Variants in ABHD17C observed in about 807,000 individuals in gnomAD.
ABHD17C encodes the protein alpha/beta hydrolase domain-containing protein 17C.
In ABHD17C, 11 loss-of-function variants were observed where a neutral mutation model predicts 27.9. The ratio of observed to expected loss-of-function variants is 0.39; its 90% CI spans 0.25 to 0.65. The LOEUF is 0.65. ABHD17C is among the 30% of genes least tolerant of loss of function. ABHD17C has a pLI of 0.45. For synonymous variants in ABHD17C, 233 were observed against 209.1 expected, an observed-to-expected ratio of 1.11 and a Z score of -0.98; for missense variants, 280 against 470.2, an observed-to-expected ratio of 0.60 and a Z score of 3.74.
At chr15:80,715,222 T>C (rs960307835) in intron 1 of ABHD17C, among the ~76,000 whole-genome samples, 6 of 152,232 alleles carry the variant, frequency 3.9e-5, no homozygotes, top group Non-Finnish European at 8.8e-5. Context: ...AAGGAAAGAA[T>C]TGCAATGGCC....
chr15:80,707,850 T>G (rs1167323641), intron 1 of ABHD17C, among the ~76,000 whole-genome samples: 1 of 152,212 alleles, frequency 6.6e-6, no homozygotes, highest in Non-Finnish European at 1.5e-5. Flanking sequence ...CCATCATATA[T>G]TTAATTGGAA....
chr15:80,697,356 A>T (rs1894509239), intron 1 of ABHD17C, among the ~76,000 whole-genome samples: 1 of 152,252 alleles, frequency 6.6e-6, no homozygotes, highest in South Asian at 2.1e-4. Flanking sequence ...AAAGGGTTTC[A>T]AAAGTATGTG....
chr15:80,711,475 G>C (rs7171632), intron 1 of ABHD17C, among the ~76,000 whole-genome samples: 48,668 of 152,084 alleles, frequency 0.32, 9,504 homozygotes, highest in Non-Finnish European at 0.45. Flanking sequence ...CCCATAGGAG[G>C]CTCTATGCAC....
At chr15:80,729,215 C>A (rs910649623) in intron 1 of ABHD17C, among the ~76,000 whole-genome samples, 1 of 152,120 alleles carries the variant, frequency 6.6e-6, no homozygotes, top group African/African-American at 2.4e-5. Flanking sequence ...ACAGAGAGAA[C>A]CTAGCCAGCA....
intron 2 of ABHD17C, among the ~76,000 whole-genome samples, chr15:80,750,748 G>A (rs968562013): frequency 7.9e-5 from 12 of 152,080 alleles, no homozygotes; most frequent in African/African-American, 2.9e-4. Flanking sequence ...TGCTAAGTAG[G>A]GCTAATGTGC....
At chr15:80,719,863 T>A (rs1237467272) in intron 1 of ABHD17C, among the ~76,000 whole-genome samples, 2 of 152,320 alleles carry the variant, frequency 1.3e-5, no homozygotes, top group Non-Finnish European at 1.5e-5. Context: ...AGTAGTGTGA[T>A]CTCAGCTCAC....
chr15:80,727,439 A>G (rs1403004718), intron 1 of ABHD17C, among the ~76,000 whole-genome samples: 4 of 152,154 alleles, frequency 2.6e-5, no homozygotes, highest in African/African-American at 9.7e-5. Flanking sequence ...TTGCTATCCT[A>G]GAAGGTTTGA....
chr15:80,696,090 C>T, intron 1 of ABHD17C, 71 bp downstream of exon 1: 1 of 1,425,462 alleles, frequency 7.0e-7, no homozygotes, highest in East Asian at 2.5e-5. Context: ...CTTGGGGCCC[C>T]TGGGGCGGCC....
chr15:80,715,668 C>T (rs981163007), intron 1 of ABHD17C, among the ~76,000 whole-genome samples: 6 of 152,174 alleles, frequency 3.9e-5, no homozygotes, highest in Non-Finnish European at 8.8e-5. Flanking sequence ...TTGTGATCTT[C>T]AAAGCGCTTT....
chr15:80,749,786 T>C (rs894752315), intron 2 of ABHD17C, 94 bp downstream of exon 2: 8 of 1,409,612 alleles, frequency 5.7e-6, no homozygotes, highest in African/African-American at 2.8e-5. Flanking sequence ...ATTTATTGAA[T>C]GCAGCCATAC....
intron 1 of ABHD17C, among the ~76,000 whole-genome samples, chr15:80,713,954 T>TTATA (rs908719408): frequency 1.4e-5 from 2 of 147,180 alleles, no homozygotes; most frequent in African/African-American, 2.5e-5. Context: ...ATTTATTTAT[T>TTATA]TATTATTTTT....
intron 1 of ABHD17C, among the ~76,000 whole-genome samples, chr15:80,727,302 T>C (rs1190906138): frequency 6.6e-6 from 1 of 152,156 alleles, no homozygotes; most frequent in African/African-American, 2.4e-5. Context: ...GGAGAGGGCG[T>C]GTTAGAGTAT....
At chr15:80,750,607 T>TATTTCACAGAAAGGAACCTTCTGTTAAC (rs1567039864) in intron 2 of ABHD17C, among the ~76,000 whole-genome samples, 1 of 152,168 alleles carries the variant, frequency 6.6e-6, no homozygotes, top group Non-Finnish European at 1.5e-5. Context: ...CAGACTGTCT[T>TATTTCACAGAAAGGAACCTTCTGTTAAC]ATTTCACAGA....
intron 1 of ABHD17C, among the ~76,000 whole-genome samples, chr15:80,745,702 G>C (rs377590640): frequency 1.3e-5 from 2 of 152,120 alleles, no homozygotes; most frequent in Non-Finnish European, 2.9e-5. Flanking sequence ...TGGTGGTGAC[G>C]GGTGCACCAA....
chr15:80,744,394 G>A (rs372632344), intron 1 of ABHD17C, among the ~76,000 whole-genome samples: 5 of 152,244 alleles, frequency 3.3e-5, no homozygotes, highest in Admixed American at 1.3e-4. Flanking sequence ...AGTAAAAAGA[G>A]TTGTCCTCAC....
intron 1 of ABHD17C, among the ~76,000 whole-genome samples, chr15:80,697,259 C>T (rs1264433070): frequency 6.6e-6 from 1 of 152,112 alleles, no homozygotes; most frequent in East Asian, 1.9e-4. Flanking sequence ...TATAGCTTTT[C>T]GAAAGTGGCT....
At chr15:80,741,249 C>T (rs12592860) in intron 1 of ABHD17C, among the ~76,000 whole-genome samples, 13,919 of 152,066 alleles carry the variant, frequency 0.092, 830 homozygotes, top group East Asian at 0.17. Context: ...GGGAGATGCC[C>T]AGCAGCTGTT....
Position 80,695,448 on chromosome 15 carries a change from A to G in ABHD17C, c.19A>G (p.Arg7Gly), listed in dbSNP as rs1217645572. ...CGTCCCGATGCCCGAGCCAGGCCCC[A>G]GGATGAACGGCTTCTCGCTGGGTGA... The part of the protein sequence containing the change: MPEPGP[R>G]MNGFSLGELC... The change falls in exon 1 of 3, where the codon AGG (arginine) becomes GGG (glycine). Residue 7 changes from arginine (R) to glycine (G), a missense_variant. Around this residue, in one of 2 missense-constraint regions of ABHD17C, gnomAD observed 74 missense variants for 75.5 expected, o/e 0.98. Coordinates refer to ENST00000258884, the MANE Select transcript of ABHD17C (RefSeq NM_021214.2). The surrounding 1 kb of genome is among the most constrained non-coding windows in gnomAD (Gnocchi z 4.3). 1.5e-6 allele frequency: 2 copies of G among 1,362,648 alleles called. No homozygotes were observed. Among genetic ancestry groups the G allele is most frequent in the East Asian group, 3.9e-5 (1 of 25,730 alleles). 84.4% of individuals were successfully genotyped at this position (1,362,648 alleles called of 1,614,324 possible).
chr15:80,713,354 CTTT>C (rs67320992), intron 1 of ABHD17C, among the ~76,000 whole-genome samples: 444 of 43,824 alleles, frequency 0.01, 1 homozygote, highest in African/African-American at 0.03. Context: ...AGGTCTTGTT[CTTT>C]TTTTTTTTTT....
Sources: allele counts gnomAD v4.1 joint callset (sites outside exome capture counted in the v4.1 genomes callset), GRCh38; gene constraint gnomAD v4.1.1; regional missense constraint gnomAD v4.1.1; non-coding constraint Gnocchi (gnomAD v3.1); transcripts MANE v1.5; gene names NCBI Gene and HGNC (gene_info 2026-07-23, HGNC 2026-07-21).